The following ABI1 variants were observed in gnomAD, a reference collection of about 807,000 sequenced individuals.
ABI1 encodes the protein Abelson interactor 1.
In ABI1, 14 loss-of-function variants were observed where a neutral mutation model predicts 54.6. The observed-to-expected ratio is 0.26, with a 90% CI of 0.17 to 0.40. ABI1 has a LOEUF of 0.40. Ranked by LOEUF, ABI1 falls within the 10% of genes least tolerant of loss-of-function variation. The pLI is 1.00. For missense variants in ABI1, 443 were observed against 598.3 expected (o/e 0.74, Z 2.71); for synonymous variants, 194 against 209.3 (o/e 0.93, Z 0.63).
rs149341350 is a variant in ABI1, at chr10:26,860,634, C to T, written c.117+113G>A. On this transcript the variant is annotated intron_variant, in intron 1 of 10. Coordinates refer to ENST00000376140, the MANE Select transcript of ABI1 (RefSeq NM_001012750.3). This position sits in a 1 kb window ranked among gnomAD's most constrained non-coding sequence, Gnocchi z 4.1. ...TGGGGTTGGGGCTGCGGTAGGGGCT[C>T]GGGTTGGTGGCAGCCGCTGAGGTCA... is the stretch of plus-strand genomic sequence containing the variant. 6,070 of 818,598 alleles carry T rather than the reference C, an allele frequency of 7.4e-3. 99 individuals are homozygous for T. The highest frequency in any genetic ancestry group is 0.039 in the African/African-American group (2,341 of 59,684). 50.7% of individuals were successfully genotyped at this position (818,598 alleles called of 1,614,324 possible). A position where few individuals can be genotyped will look rare whatever the true frequency, so the allele number is the denominator to read the frequency against.
chr10:26,785,382 C>T (rs1038539504), intron 2 of ABI1, among the ~76,000 whole-genome samples: 15 of 152,112 alleles, frequency 9.9e-5, no homozygotes, highest in Non-Finnish European at 1.8e-4. Context: ...AACAGTGTCT[C>T]CCTCAGGAGT....
intron 2 of ABI1, among the ~76,000 whole-genome samples, chr10:26,797,393 G>A (rs145699319): frequency 0.01 from 1,525 of 152,272 alleles, 22 homozygotes; most frequent in African/African-American, 0.033. Context: ...TAGAAAGCAC[G>A]ACTAGGGATA....
intron 1 of ABI1, among the ~76,000 whole-genome samples, chr10:26,835,027 G>A (rs561231359): frequency 7.7e-5 from 11 of 142,306 alleles, no homozygotes; most frequent in African/African-American, 2.4e-4. Flanking sequence ...CACCTGAACC[G>A]AGAGGCAGAG....
intron 2 of ABI1, among the ~76,000 whole-genome samples, chr10:26,788,684 G>A (rs1322364752): frequency 3.9e-5 from 6 of 151,992 alleles, no homozygotes; most frequent in Non-Finnish European, 8.8e-5. Context: ...ACGCCGAGGT[G>A]GGCGGATCAC....
At chr10:26,819,969 A>G (rs188546764) in intron 2 of ABI1, among the ~76,000 whole-genome samples, 3 of 152,180 alleles carry the variant, frequency 2.0e-5, no homozygotes, top group African/African-American at 7.2e-5. Flanking sequence ...TCAGATGTGG[A>G]ATCTAAAAAA....
intron 1 of ABI1, among the ~76,000 whole-genome samples, chr10:26,851,253 T>G (rs1292905052): frequency 6.6e-6 from 1 of 151,282 alleles, no homozygotes; most frequent in East Asian, 1.9e-4. Flanking sequence ...TGGAGTGCAG[T>G]GGCGCAACCA....
At position 26,860,720 on chromosome 10, in the gene ABI1, C is replaced by T; in HGVS notation, c.117+27G>A. The T allele has an allele frequency of 6.3e-7, 1 of 1,592,970 alleles. No individual in the cohort carries two copies. Among genetic ancestry groups the T allele is most frequent in the Non-Finnish European group, 8.6e-7 (1 of 1,161,782 alleles). ...TCCGGCGGGTCCTCGACCCGGCCAGCGCCCGCCGGCCGCCAGAGCGCCTCA... is the reference window on the plus strand; with the variant it reads ...TCCGGCGGGTCCTCGACCCGGCCAGTGCCCGCCGGCCGCCAGAGCGCCTCA... On this transcript the variant is annotated intron_variant, in intron 1 of 10. Coordinates refer to ENST00000376140, the MANE Select transcript of ABI1 (RefSeq NM_001012750.3). The surrounding 1 kb of genome is among the most constrained non-coding windows in gnomAD (Gnocchi z 4.1).
rs745722168 is a variant in ABI1 at position 26,770,378 on chromosome 10, T to C, written c.478-33A>G. On this transcript the variant is annotated intron_variant, in intron 4 of 10. Coordinates refer to ENST00000376140, the MANE Select transcript of ABI1 (RefSeq NM_001012750.3). ...GTAGAAAGAAATGCTTTTATTTTTA[T>C]ATCAAATTGTTCTCCTGGTGTTTTA... 14 of 1,571,418 alleles carry C rather than the reference T, an allele frequency of 8.9e-6. No individual in the cohort carries two copies. The East Asian group carries it at 1.1e-4, about 13-fold the overall frequency.
At chr10:26,813,366 C>G (rs2047360521) in intron 2 of ABI1, among the ~76,000 whole-genome samples, 2 of 144,750 alleles carry the variant, frequency 1.4e-5, no homozygotes, top group South Asian at 4.5e-4. Flanking sequence ...GGGATAATGG[C>G]ACCAAAAATA....
chr10:26,768,085 T>A (rs1840181768), intron 6 of ABI1, among the ~76,000 whole-genome samples: 1 of 151,828 alleles, frequency 6.6e-6, no homozygotes, highest in East Asian at 1.9e-4. Context: ...AACAACATAT[T>A]CTAGTATACT....
At chr10:26,788,437 AC>A (rs1032190182) in intron 2 of ABI1, among the ~76,000 whole-genome samples, 17 of 152,222 alleles carry the variant, frequency 1.1e-4, no homozygotes, top group South Asian at 6.2e-4. Context: ...TTATCAAACT[AC>A]CCAATCTACA....
intron 2 of ABI1, among the ~76,000 whole-genome samples, chr10:26,782,368 CA>C (rs534966722): frequency 1.9e-4 from 29 of 149,066 alleles, no homozygotes; most frequent in Non-Finnish European, 3.8e-4. Flanking sequence ...TCAACAACAA[CA>C]AAAAAAAAAA....
chr10:26,814,923 A>T (rs2047464057), intron 2 of ABI1, among the ~76,000 whole-genome samples: 1 of 152,092 alleles, frequency 6.6e-6, no homozygotes, highest in African/African-American at 2.4e-5. Flanking sequence ...AATTTTTTGA[A>T]ACTGAAAACT....
At chr10:26,784,269 CA>C (rs1456294393) in intron 2 of ABI1, among the ~76,000 whole-genome samples, 7 of 152,180 alleles carry the variant, frequency 4.6e-5, no homozygotes, top group South Asian at 2.1e-4. Context: ...TCCAAGCTCC[CA>C]AATCTCCCAC....
At chr10:26,792,385 T>C (rs1843583244) in intron 2 of ABI1, among the ~76,000 whole-genome samples, 1 of 152,074 alleles carries the variant, frequency 6.6e-6, no homozygotes, top group South Asian at 2.1e-4. Flanking sequence ...CAGCCATAAC[T>C]GGCAGGTGAA....
chr10:26,836,618 C>T (rs1440715408), intron 1 of ABI1, among the ~76,000 whole-genome samples: 1 of 152,156 alleles, frequency 6.6e-6, no homozygotes, highest in Non-Finnish European at 1.5e-5. Flanking sequence ...AGCCGCGTAA[C>T]ATTTCTGTTG....
At position 26,831,182 on chromosome 10, in the gene ABI1, T is replaced by C. The variant is rs532015483; in HGVS notation, c.118-7877A>G. On this transcript the variant is annotated intron_variant, in intron 1 of 10. Coordinates refer to ENST00000376140, the MANE Select transcript of ABI1 (RefSeq NM_001012750.3). ...CATCTGTCACAACATATTTGTCTTT[T>C]ATAGCTTTTAACTTATCTCTAATCC... is the stretch of plus-strand genomic sequence containing the variant. 5.3e-5 allele frequency among the ~76,000 whole-genome samples: 8 copies of C among 152,238 alleles called. No homozygotes were observed. The South Asian group carries it at 1.7e-3, about 32-fold the overall frequency.
intron 1 of ABI1, among the ~76,000 whole-genome samples, chr10:26,828,004 A>C (rs1267522157): frequency 3.3e-5 from 5 of 152,242 alleles, no homozygotes; most frequent in Admixed American, 3.3e-4. Context: ...CAAGAGGCTT[A>C]ACGTTTGGCC....
At chr10:26,840,691 C>T (rs1420900455) in intron 1 of ABI1, among the ~76,000 whole-genome samples, 2 of 152,164 alleles carry the variant, frequency 1.3e-5, no homozygotes, top group Non-Finnish European at 2.9e-5. Flanking sequence ...TTCTATGCTA[C>T]TGCTATTCCA....
Sources: allele counts gnomAD v4.1 joint callset (sites outside exome capture counted in the v4.1 genomes callset), GRCh38; gene constraint gnomAD v4.1.1; non-coding constraint Gnocchi (gnomAD v3.1); transcripts MANE v1.5; gene names NCBI Gene and HGNC (gene_info 2026-07-23, HGNC 2026-07-21).